SETD5: variants seen among roughly 807,000 people sequenced by gnomAD.
SETD5 encodes the protein SET domain containing 5.
Under a neutral mutation model 153.3 loss-of-function variants are expected in SETD5, and 44 were observed. The observed-to-expected ratio is 0.29, with a 90% confidence interval of 0.23 to 0.37. SETD5 has a LOEUF of 0.37. Among genes scored for constraint, SETD5 ranks in the 10% least tolerant of loss-of-function variants. The pLI is 1.00. For missense variants in SETD5, 1,544 were observed against 1,768.0 expected (o/e 0.87, Z 2.27); for synonymous variants, 716 against 645.2 (o/e 1.11, Z -1.66).
At position 9,434,385 on chromosome 3, in the gene SETD5, C is replaced by A; in HGVS notation, c.229C>A (p.Arg77Ser). 6.2e-7 allele frequency: 1 copy of A among 1,613,954 alleles called. No individual in the cohort carries two copies. The highest frequency in any genetic ancestry group is 8.5e-7 in the Non-Finnish European group (1 of 1,179,858). Reference sequence around the variant, plus strand: ...TGGCCTGCCGTCGCCTGTAGAGGAACGCTGTGGAGACAGCCCGAACTCTGA... The same window carrying A: ...TGGCCTGCCGTCGCCTGTAGAGGAAAGCTGTGGAGACAGCCCGAACTCTGA... ...LNGLPSPVEERCGDSPNSEGE... is the reference protein window; with the variant it reads ...LNGLPSPVEESCGDSPNSEGE... The change falls in exon 5 of 23, where the codon CGC (arginine) becomes AGC (serine). Residue 77 changes from arginine (R) to serine (S), a missense_variant. Physicochemically the swap from Arg to Ser is moderately radical, Grantham distance 110. This residue lies in a region of SETD5 where 251 missense variants were observed against 326.9 expected (regional missense o/e 0.77). Transcript: ENST00000402198. This position sits in a 1 kb window ranked among gnomAD's most constrained non-coding sequence, Gnocchi z 5.6.
intron 10 of SETD5, chr3:9,443,039 C>CA (rs1456451176): frequency 2.3e-4 from 76 of 325,992 alleles, no homozygotes; most frequent in Middle Eastern, 2.2e-3. Context: ...GACTGTATCT[C>CA]AAAAAAAAGA....
chr3:9,459,074 G>A (rs1454594783), intron 17 of SETD5, among the ~76,000 whole-genome samples: 1 of 152,136 alleles, frequency 6.6e-6, no homozygotes, highest in Non-Finnish European at 1.5e-5. Context: ...CATCCTGCTG[G>A]TTGTGGAAGC....
intron 1 of SETD5, among the ~76,000 whole-genome samples, chr3:9,399,529 G>A (rs1436233483): frequency 6.6e-6 from 1 of 151,928 alleles, no homozygotes; most frequent in Non-Finnish European, 1.5e-5. Context: ...GAGTCTTTAA[G>A]GTTTACTCAG....
chr3:9,448,685 T>C (rs2042286904), intron 16 of SETD5, 55 bp downstream of exon 16: 12 of 1,432,850 alleles, frequency 8.4e-6, no homozygotes, highest in Non-Finnish European at 1.1e-5. Flanking sequence ...CTTTATTTTT[T>C]TAAGCCTAAG....
chr3:9,442,296 C>A (rs2125194972), intron 10 of SETD5, 51 bp downstream of exon 10: 2 of 1,279,856 alleles, frequency 1.6e-6, no homozygotes, highest in Non-Finnish European at 2.2e-6. Flanking sequence ...AAATGACAAG[C>A]TTACTGAAGA....
chr3:9,444,537 C>T (rs1326624165), intron 11 of SETD5, among the ~76,000 whole-genome samples: 5 of 148,908 alleles, frequency 3.4e-5, no homozygotes, highest in Non-Finnish European at 6.0e-5. Context: ...GGAGGGCTTT[C>T]TTTTTTTTTT....
chr3:9,420,460 C>T (rs78081176), intron 1 of SETD5, among the ~76,000 whole-genome samples: 253 of 151,996 alleles, frequency 1.7e-3, no homozygotes, highest in African/African-American at 5.8e-3. Flanking sequence ...TTATAGACAT[C>T]GGTTTATTGT....
Position 9,410,635 on chromosome 3 carries a change from G to A in SETD5, c.-177+12658G>A, listed in dbSNP as rs138781411. 3.3e-5 allele frequency among the ~76,000 whole-genome samples: 5 copies of A among 152,214 alleles called. No individual in the cohort carries two copies. The East Asian group carries it at 9.7e-4, about 29-fold the overall frequency. ...GTTCTCTCCCTGTCCCTGTATGTTA[G>A]ACTCAACAGAGTCATCATGAATTTT... On this transcript the variant is annotated intron_variant, in intron 1 of 22. Coordinates refer to ENST00000402198, the MANE Select transcript of SETD5 (RefSeq NM_001080517.3).
At chr3:9,425,055 C>CTTTTTGTTTTTTTTT (rs2038953095) in intron 2 of SETD5, among the ~76,000 whole-genome samples, 1 of 83,682 alleles carries the variant, frequency 1.2e-5, no homozygotes, top group Admixed American at 1.4e-4. Context: ...GACAATGTTT[C>CTTTTTGTTTTTTTTT]TTTTTTTTTT....
rs370594564 is a variant in SETD5 at position 9,453,813 on chromosome 3, C to A, written c.2421C>A (p.His807Gln). The A allele has an allele frequency of 8.1e-5, 130 of 1,607,596 alleles. No individual in the cohort carries two copies. Among genetic ancestry groups the A allele is most frequent in the Non-Finnish European group, 1.1e-4 (125 of 1,178,176 alleles). The change falls in exon 17 of 23, where the codon CAC becomes CAA. Residue 807 changes from histidine (H) to glutamine (Q), a missense_variant. Physicochemically the swap from His to Gln is conservative, Grantham distance 24 (BLOSUM62 0). Coordinates refer to ENST00000402198, the MANE Select transcript of SETD5 (RefSeq NM_001080517.3). ...SSVPQETRTQHLYQSNENSSS... is the reference protein window; with the variant it reads ...SSVPQETRTQQLYQSNENSSS... ...TACCCCAAGAGACTAGAACTCAGCA[C>A]CTATACCAAAGCAATGAGAATAGTA...
intron 17 of SETD5, among the ~76,000 whole-genome samples, chr3:9,462,134 T>G (rs1366167625): frequency 1.3e-5 from 2 of 152,218 alleles, no homozygotes; most frequent in African/African-American, 4.8e-5. Flanking sequence ...TGCTAACTAC[T>G]GTGTTAACTC....
intron 17 of SETD5, among the ~76,000 whole-genome samples, chr3:9,458,998 T>G (rs930925455): frequency 1.3e-5 from 2 of 152,176 alleles, no homozygotes; most frequent in African/African-American, 2.4e-5. Context: ...GAAATAAGTT[T>G]GTTTATTCCT....
chr3:9,418,817 T>A (rs1243572638), intron 1 of SETD5, among the ~76,000 whole-genome samples: 2 of 148,048 alleles, frequency 1.4e-5, no homozygotes, highest in African/African-American at 4.9e-5. Context: ...AAAAAAAAAA[T>A]GTGAATCACA....
intron 16 of SETD5, among the ~76,000 whole-genome samples, 186 bp from the exon 17 acceptor site, chr3:9,453,553 T>C (rs1164221855): frequency 6.6e-6 from 1 of 152,198 alleles, no homozygotes; most frequent in Non-Finnish European, 1.5e-5. Context: ...CCTCAAGTTT[T>C]TCAGTTAAAA....
chr3:9,397,679 G>A lies in SETD5; in HGVS notation c.-475G>A, dbSNP rs2033893131. 5.5e-6 allele frequency: 1 copy of A among 180,670 alleles called. No individual in the cohort carries two copies. The highest frequency in any genetic ancestry group is 1.1e-5 in the Non-Finnish European group (1 of 91,558). 11.2% of individuals were successfully genotyped at this position (180,670 alleles called of 1,614,324 possible). On this transcript the variant is annotated 5_prime_UTR_variant, in exon 1 of 23. Transcript: ENST00000402198. ...CGCCGCCGCCGCCGCCGCCGCCGCC[G>A]CCGCCGCTGCCGGGGGAGGGGCGGC...
chr3:9,430,233 A>G (rs1472537508), intron 3 of SETD5: 1 of 985,004 alleles, frequency 1.0e-6, no homozygotes, highest in Non-Finnish European at 1.2e-6. Context: ...TTCTTCATAA[A>G]GCCACCTAAT....
intron 19 of SETD5, 42 bp from the exon 20 acceptor site, chr3:9,473,194 G>C (rs781712048): frequency 1.3e-6 from 2 of 1,585,784 alleles, no homozygotes; most frequent in East Asian, 4.5e-5. Context: ...ATGATATCCA[G>C]ATAGAGTACC....
At chr3:9,442,468 C>T (rs1449548287) in intron 10 of SETD5, among the ~76,000 whole-genome samples, 1 of 152,132 alleles carries the variant, frequency 6.6e-6, no homozygotes, top group Non-Finnish European at 1.5e-5. Flanking sequence ...AGCAAGTTAG[C>T]ATTTGCTAAG....
At chr3:9,471,581 G>A (rs1283765406) in intron 19 of SETD5, among the ~76,000 whole-genome samples, 1 of 152,242 alleles carries the variant, frequency 6.6e-6, no homozygotes, top group Non-Finnish European at 1.5e-5. Flanking sequence ...GAAGGCCGGG[G>A]GAGCCAGGAG....
Sources: gnomAD v4.1 joint callset for allele counts (sites outside exome capture counted in the v4.1 genomes callset) on GRCh38, gnomAD v4.1.1 for gene constraint, gnomAD v4.1.1 regional missense constraint, Gnocchi (gnomAD v3.1) non-coding constraint, MANE v1.5 for transcripts, NCBI Gene and HGNC (gene_info 2026-07-23, HGNC 2026-07-21) for gene names.